Variants in CSMD1 observed in about 807,000 individuals in gnomAD.
The protein encoded by CSMD1 is CUB and Sushi multiple domains 1.
A neutral mutation model predicts 417.5 loss-of-function variants in CSMD1; 213 were observed. That is an observed-to-expected ratio of 0.51 (90% CI 0.46 to 0.57). CSMD1 has a LOEUF of 0.57. Among genes scored for constraint, CSMD1 ranks in the 20% least tolerant of loss-of-function variants. The pLI, the probability that CSMD1 is intolerant of heterozygous loss-of-function variation, is 0.00. For missense variants in CSMD1, 6,923 were observed against 4,529.7 expected, an observed-to-expected ratio of 1.53 and a Z score of -15.17; for synonymous variants, 2,862 against 1,736.8, an observed-to-expected ratio of 1.65 and a Z score of -16.11.
chr8:3,845,442 A>G (rs1803438438), intron 5 of CSMD1, among the ~76,000 whole-genome samples: 1 of 152,190 alleles, frequency 6.6e-6, no homozygotes, highest in Non-Finnish European at 1.5e-5. Context: ...AAGCATATCT[A>G]ACCACAGAAA....
chr8:3,001,005 G>T (rs147145627), intron 52 of CSMD1, among the ~76,000 whole-genome samples: 75 of 151,044 alleles, frequency 5.0e-4, no homozygotes, highest in African/African-American at 1.7e-3. Context: ...TTTTTGGCAG[G>T]GTCTTGCTCT....
chr8:3,126,064 G>C (rs959970974), intron 41 of CSMD1, among the ~76,000 whole-genome samples: 4 of 152,144 alleles, frequency 2.6e-5, no homozygotes, highest in Admixed American at 2.6e-4. Context: ...AAGTAGTTTT[G>C]CAAAATAGGT....
chr8:3,180,418 A>T (rs1485777773), intron 37 of CSMD1, among the ~76,000 whole-genome samples: 1 of 152,174 alleles, frequency 6.6e-6, no homozygotes, highest in Non-Finnish European at 1.5e-5. Flanking sequence ...AAGGCTTATG[A>T]CCATAATCTA....
intron 3 of CSMD1, among the ~76,000 whole-genome samples, chr8:4,043,663 G>A (rs1311914522): frequency 2.0e-5 from 3 of 152,012 alleles, no homozygotes; most frequent in African/African-American, 7.3e-5. Context: ...GTGGTTCCTG[G>A]GTGAAACCAT....
chr8:3,881,523 G>C (rs1260006789), intron 5 of CSMD1, among the ~76,000 whole-genome samples: 1 of 149,462 alleles, frequency 6.7e-6, no homozygotes, highest in African/African-American at 2.5e-5. Context: ...TGTAATCTCA[G>C]CTACTCAGGA....
rs1042785661 is a variant in CSMD1, at chr8:4,885,948, C to A, written c.85+108384G>T. Among the ~76,000 whole-genome samples the A allele has an allele frequency of 7.2e-5, 11 of 151,986 alleles. 1 individual carries two copies. Among genetic ancestry groups the A allele is most frequent in the Admixed American group, 2.0e-4 (3 of 15,266 alleles). The stretch of plus-strand genomic sequence containing the variant: ...CTTTGTAAGGATTTTATCATTTTAG[C>A]TCTTACATTTAGGTCTCTGATCCTT... On this transcript the variant is annotated intron_variant, in intron 1 of 69. Transcript: ENST00000635120.
chr8:3,933,178 C>G lies in CSMD1; in HGVS notation c.818+64725G>C, dbSNP rs1810271070. 1.3e-5 allele frequency among the ~76,000 whole-genome samples: 2 copies of G among 151,762 alleles called. 1 individual carries two copies. Among genetic ancestry groups the G allele is most frequent in the Admixed American group, 1.3e-4 (2 of 15,204 alleles). ...CTAAAGTCCACCTCCGTGGTAATACCTAGTGAATCTCCATTTTTTCCAAAA... is the reference window on the plus strand; with the variant it reads ...CTAAAGTCCACCTCCGTGGTAATACGTAGTGAATCTCCATTTTTTCCAAAA... On this transcript the variant is annotated intron_variant, in intron 5 of 69. Coordinates refer to ENST00000635120, the MANE Select transcript of CSMD1 (RefSeq NM_033225.6).
intron 7 of CSMD1, among the ~76,000 whole-genome samples, chr8:3,661,156 G>C (rs1271214870): frequency 2.0e-5 from 3 of 152,170 alleles, no homozygotes; most frequent in South Asian, 2.1e-4. Flanking sequence ...TTTCGTATAT[G>C]ACTCCTTGTG....
At chr8:4,067,336 G>T (rs955951011) in intron 3 of CSMD1, among the ~76,000 whole-genome samples, 1 of 152,150 alleles carries the variant, frequency 6.6e-6, no homozygotes, top group East Asian at 1.9e-4. Context: ...TTTCAAGTAA[G>T]GTATAATTCA....
chr8:3,641,333 C>G lies in CSMD1; in HGVS notation c.1010-24536G>C, dbSNP rs115075305. On this transcript the variant is annotated intron_variant, in intron 7 of 69. Transcript: ENST00000635120. ...AACGGGTGAGTCACTAGCAATGGAA[C>G]CAACAATCCCCAAGTGGAGCCCTTC... Among the ~76,000 whole-genome samples the G allele has an allele frequency of 3.9e-3, 601 of 152,196 alleles. 5 individuals are homozygous for G. Among genetic ancestry groups the G allele is most frequent in the African/African-American group, 0.014 (566 of 41,530 alleles).
In CSMD1 at chr8:3,435,731, C is replaced by T. The variant is rs533814731; in HGVS notation, c.1562-26126G>A. 1.3e-4 allele frequency among the ~76,000 whole-genome samples: 20 copies of T among 152,292 alleles called. No homozygotes were observed. In the South Asian group the frequency reaches 2.3e-3, roughly 17 times the overall value. ...CTTCCCATCCCAACACCCTACACGT[C>T]ACTCAATCAGGTTCTTCCTCGAACA... On this transcript the variant is annotated intron_variant, in intron 12 of 69. Coordinates refer to ENST00000635120, the MANE Select transcript of CSMD1 (RefSeq NM_033225.6).
At chr8:3,671,821 C>T (rs1052073598) in intron 7 of CSMD1, among the ~76,000 whole-genome samples, 1 of 151,856 alleles carries the variant, frequency 6.6e-6, no homozygotes, top group African/African-American at 2.4e-5. Flanking sequence ...AACTTCAGTT[C>T]TTGAGCAATG....
chr8:3,431,670 C>A (rs79069863), intron 12 of CSMD1, among the ~76,000 whole-genome samples: 1 of 152,100 alleles, frequency 6.6e-6, no homozygotes, highest in Non-Finnish European at 1.5e-5. Flanking sequence ...TTCATGTTTC[C>A]GGTAACATAT....
At chr8:3,827,867 C>G (rs184296872) in intron 5 of CSMD1, among the ~76,000 whole-genome samples, 1 of 152,188 alleles carries the variant, frequency 6.6e-6, no homozygotes, top group African/African-American at 2.4e-5. Flanking sequence ...AAGAGCACTT[C>G]TGATGAAGTT....
At chr8:4,368,189 G>T (rs971923430) in intron 3 of CSMD1, among the ~76,000 whole-genome samples, 1 of 152,102 alleles carries the variant, frequency 6.6e-6, no homozygotes, top group African/African-American at 2.4e-5. Flanking sequence ...TTTGTTGAGG[G>T]TTTTTAACAT....
At chr8:4,976,101 G>C (rs1388853654) in intron 1 of CSMD1, among the ~76,000 whole-genome samples, 1 of 152,076 alleles carries the variant, frequency 6.6e-6, no homozygotes, top group Non-Finnish European at 1.5e-5. Flanking sequence ...CTATTACTGG[G>C]ATAAACATTG....
intron 3 of CSMD1, among the ~76,000 whole-genome samples, chr8:4,044,853 G>T (rs190425494): frequency 2.0e-5 from 3 of 152,152 alleles, no homozygotes; most frequent in African/African-American, 7.2e-5. Context: ...TACCATGCTG[G>T]GGACTGCACC....
chr8:4,603,407 A>G (rs894074043), intron 2 of CSMD1, among the ~76,000 whole-genome samples: 33 of 152,230 alleles, frequency 2.2e-4, no homozygotes, highest in African/African-American at 7.2e-4. Flanking sequence ...GTGAACCTCC[A>G]TTATTTGGAA....
At chr8:4,365,328 A>T (rs1802000968) in intron 3 of CSMD1, among the ~76,000 whole-genome samples, 1 of 152,244 alleles carries the variant, frequency 6.6e-6, no homozygotes, top group Non-Finnish European at 1.5e-5. Flanking sequence ...CTGTACAACT[A>T]ATTGAAATGC....
Sources: allele counts gnomAD v4.1 joint callset (sites outside exome capture counted in the v4.1 genomes callset), GRCh38; gene constraint gnomAD v4.1.1; transcripts MANE v1.5; gene names NCBI Gene and HGNC (gene_info 2026-07-23, HGNC 2026-07-21).